RASSF5: variants seen among roughly 807,000 people sequenced by gnomAD.
The protein encoded by RASSF5 is Ras association domain family member 5, also known as ras association domain-containing protein 5.
A neutral mutation model predicts 40.5 loss-of-function variants in RASSF5; 25 were observed. The observed-to-expected ratio is 0.62, with a 90% CI of 0.45 to 0.86. The LOEUF (loss-of-function observed/expected upper bound fraction) is 0.86. Among genes scored for constraint, RASSF5 ranks in the 40% least tolerant of loss-of-function variants. The pLI is 0.00. For synonymous variants in RASSF5, 246 were observed against 252.4 expected (o/e 0.97, Z 0.24); for missense variants, 521 against 572.8 (o/e 0.91, Z 0.92).
intron 2 of RASSF5, among the ~76,000 whole-genome samples, chr1:206,545,516 G>GT (rs67689534): frequency 2.9e-4 from 44 of 151,492 alleles, no homozygotes; most frequent in African/African-American, 8.3e-4. Context: ...TATTTTTTGA[G>GT]TTTTTTTATA....
chr1:206,529,438 G>C (rs1558501168), intron 1 of RASSF5: 1 of 884,182 alleles, frequency 1.1e-6, no homozygotes, highest in African/African-American at 1.6e-5. Flanking sequence ...CATAAAATGG[G>C]GGTCCCTTAC....
intron 1 of RASSF5, among the ~76,000 whole-genome samples, chr1:206,523,511 TTATATATTATATATTTTATATA>T: frequency 1.0e-5 from 1 of 96,646 alleles, no homozygotes; most frequent in Admixed American, 1.6e-4. Flanking sequence ...ATTTTATATA[TTATATATTATATATTTTATATA>T]TTATATATAT....
intron 2 of RASSF5, among the ~76,000 whole-genome samples, chr1:206,565,269 C>G (rs530266719): frequency 6.6e-5 from 10 of 152,204 alleles, no homozygotes; most frequent in Admixed American, 3.3e-4. Context: ...TAGCCTCTCA[C>G]TGAGATGCCC....
rs370090568 is a variant in RASSF5, at chr1:206,575,188, A to G, written c.580-8081A>G. 5.3e-5 allele frequency among the ~76,000 whole-genome samples: 8 copies of G among 152,198 alleles called. No individual in the cohort carries two copies. The East Asian group carries it at 9.6e-4, about 18-fold the overall frequency. On this transcript the variant is annotated intron_variant, in intron 2 of 5. Transcript: ENST00000579436. ...CTGCCCCTTGCCTGCAGACGTTCCCATCTAGGGCAAGCACAACAGAAGCAC... is the reference window on the plus strand; with the variant it reads ...CTGCCCCTTGCCTGCAGACGTTCCCGTCTAGGGCAAGCACAACAGAAGCAC...
chr1:206,550,935 C>T (rs1417787988), intron 2 of RASSF5, among the ~76,000 whole-genome samples: 1 of 152,194 alleles, frequency 6.6e-6, no homozygotes, highest in African/African-American at 2.4e-5. Context: ...CTGCTGACAG[C>T]CCCTTTCTGC....
rs529181076 is a variant in RASSF5, at chr1:206,581,562, G to A, written c.580-1707G>A. 4.6e-5 allele frequency among the ~76,000 whole-genome samples: 7 copies of A among 152,014 alleles called. No homozygotes were observed. The South Asian group carries it at 1.2e-3, about 27-fold the overall frequency. On this transcript the variant is annotated intron_variant, in intron 2 of 5. Coordinates refer to ENST00000579436, the MANE Select transcript of RASSF5 (RefSeq NM_182663.4). ...TGCAGTCAGCCAAGATCGTGCCACT[G>A]CATTCCAGCCTGGGTGACAGAGGGA...
intron 1 of RASSF5, among the ~76,000 whole-genome samples, chr1:206,514,985 A>G (rs1239508767): frequency 1.3e-5 from 2 of 152,244 alleles, no homozygotes; most frequent in African/African-American, 4.8e-5. Context: ...AATCAGGGCC[A>G]TCTCATAGAT....
At chr1:206,537,687 T>G (rs1558504310) in intron 1 of RASSF5, among the ~76,000 whole-genome samples, 1 of 152,192 alleles carries the variant, frequency 6.6e-6, no homozygotes, top group African/African-American at 2.4e-5. Context: ...TCAAAGAGTT[T>G]CAGATTTTGG....
At chr1:206,549,249 C>A (rs1425901190) in intron 2 of RASSF5, among the ~76,000 whole-genome samples, 1 of 152,012 alleles carries the variant, frequency 6.6e-6, no homozygotes, top group Non-Finnish European at 1.5e-5. Context: ...TGCCATTAAT[C>A]CCCATCTAGT....
chr1:206,538,424 G>A, intron 2 of RASSF5, 131 bp downstream of exon 2: 1 of 1,224,114 alleles, frequency 8.2e-7, no homozygotes, highest in South Asian at 1.4e-5. Flanking sequence ...ACTGGATGGA[G>A]TTCACAGACA....
At chr1:206,556,647 A>T (rs1667994692) in intron 2 of RASSF5, among the ~76,000 whole-genome samples, 1 of 152,202 alleles carries the variant, frequency 6.6e-6, no homozygotes, top group Admixed American at 6.5e-5. Flanking sequence ...GTGGGAAGGC[A>T]GCTTGCTCTC....
rs1162052898 is a variant in RASSF5, at chr1:206,588,943, T to C, written c.*1965T>C. On this transcript the variant is annotated 3_prime_UTR_variant, in exon 6 of 6. Coordinates refer to ENST00000579436, the MANE Select transcript of RASSF5 (RefSeq NM_182663.4). ...TCTATGGGGATGGCTATTTTATTTTTGAGAAGGAAAAAAAAAGTCATGTAT... is the reference window on the plus strand; with the variant it reads ...TCTATGGGGATGGCTATTTTATTTTCGAGAAGGAAAAAAAAAGTCATGTAT... The C allele has an allele frequency of 2.6e-5, 4 of 152,536 alleles. No individual in the cohort carries two copies. The highest frequency in any genetic ancestry group is 9.7e-5 in the African/African-American group (4 of 41,380). The allele number at this position is 152,536 out of a possible 1,614,324, so 9.4% of individuals were successfully genotyped here. A position where few individuals can be genotyped will look rare whatever the true frequency, so the allele number is the denominator to read the frequency against.
rs368124193 is a variant in RASSF5 at position 206,508,322 on chromosome 1, CCACACACACACA to C, written c.457+285_457+296del. On this transcript the variant is annotated intron_variant, in intron 1 of 5. Coordinates refer to ENST00000579436, the MANE Select transcript of RASSF5 (RefSeq NM_182663.4). Reference sequence around the variant, plus strand: ...CCTGACAGGTGCGTGCCTTGGCCCTCCACACACACACACACACACACACACACACACACTCGC... The same window carrying C: ...CCTGACAGGTGCGTGCCTTGGCCCTCCACACACACACACACACACACTCGC... 6.1e-5 allele frequency among the ~76,000 whole-genome samples: 9 copies of C among 146,624 alleles called. No homozygotes were observed. In the South Asian group the frequency reaches 1.3e-3, roughly 21 times the overall value.
At chr1:206,511,711 G>A (rs2103499823) in intron 1 of RASSF5, among the ~76,000 whole-genome samples, 1 of 152,280 alleles carries the variant, frequency 6.6e-6, no homozygotes, top group Admixed American at 6.5e-5. Context: ...GCAGCCCTCG[G>A]GGAAGGGCAC....
chr1:206,573,203 G>A (rs982898830), intron 2 of RASSF5, among the ~76,000 whole-genome samples: 5 of 152,198 alleles, frequency 3.3e-5, no homozygotes, highest in African/African-American at 9.7e-5. Context: ...GCTCATGCCT[G>A]TAATCCCAGC....
chr1:206,564,255 G>A (rs1205103354), intron 2 of RASSF5, among the ~76,000 whole-genome samples: 2 of 152,142 alleles, frequency 1.3e-5, no homozygotes, highest in Non-Finnish European at 2.9e-5. Context: ...CTAGGGAGGG[G>A]TCAGAGAGAC....
In RASSF5 at chr1:206,535,812, A is replaced by C. The variant is rs1667377295; in HGVS notation, c.458-2360A>C. The stretch of plus-strand genomic sequence containing the variant: ...AGGTGGACATAGACTGCCTGTGCCA[A>C]CAGGACAAGGAGCTAAAAGAGGAGG... On this transcript the variant is annotated intron_variant, in intron 1 of 5. Transcript: ENST00000579436. This position sits in a 1 kb window ranked among gnomAD's most constrained non-coding sequence, Gnocchi z 5.0. 6.6e-6 allele frequency among the ~76,000 whole-genome samples: 1 copy of C among 151,954 alleles called. No individual in the cohort carries two copies. The highest frequency in any genetic ancestry group is 1.5e-5 in the Non-Finnish European group (1 of 67,986).
intron 2 of RASSF5, among the ~76,000 whole-genome samples, chr1:206,581,635 G>A (rs1668882213): frequency 6.6e-6 from 1 of 151,438 alleles, no homozygotes; most frequent in South Asian, 2.1e-4. Context: ...AGAGAGAGGG[G>A]GGAGAGAGAG....
intron 2 of RASSF5, among the ~76,000 whole-genome samples, chr1:206,582,891 A>C (rs1362008243): frequency 6.6e-6 from 1 of 152,220 alleles, no homozygotes; most frequent in African/African-American, 2.4e-5. Flanking sequence ...AGCATCAAAG[A>C]AGCATCTTTT....
Sources: allele counts gnomAD v4.1 joint callset (sites outside exome capture counted in the v4.1 genomes callset), GRCh38; gene constraint gnomAD v4.1.1; non-coding constraint Gnocchi (gnomAD v3.1); transcripts MANE v1.5; gene names NCBI Gene and HGNC (gene_info 2026-07-23, HGNC 2026-07-21).